The following ADGRL3 variants were observed in gnomAD, a reference collection of about 807,000 sequenced individuals.
The protein encoded by ADGRL3 is calcium-independent alpha-latrotoxin receptor 3.
In ADGRL3, 62 loss-of-function variants were observed where a neutral mutation model predicts 153.5. That is an observed-to-expected ratio of 0.40 (90% CI 0.33 to 0.50). The LOEUF is 0.50. Among genes scored for constraint, ADGRL3 ranks in the 20% least tolerant of loss-of-function variants. ADGRL3 has a pLI of 0.47. For missense variants in ADGRL3, 1,641 were observed against 1,859.4 expected (o/e 0.88, Z 2.16); for synonymous variants, 710 against 672.5 (o/e 1.06, Z -0.86).
chr4:61,623,968 A>G (rs1297256849), intron 5 of ADGRL3, among the ~76,000 whole-genome samples: 2 of 152,134 alleles, frequency 1.3e-5, no homozygotes, highest in African/African-American at 2.4e-5. Context: ...AACCAGCCTT[A>G]AAGACTCCAT....
intron 8 of ADGRL3, among the ~76,000 whole-genome samples, chr4:61,768,099 T>C (rs947729789): frequency 6.6e-6 from 1 of 152,044 alleles, no homozygotes; most frequent in Admixed American, 6.6e-5. Flanking sequence ...GATTTTTATA[T>C]TTGATGAAAA....
chr4:61,407,586 C>A (rs2097019165), intron 2 of ADGRL3, among the ~76,000 whole-genome samples: 1 of 152,076 alleles, frequency 6.6e-6, no homozygotes, highest in Non-Finnish European at 1.5e-5. Flanking sequence ...TTTAGTTTAA[C>A]TTGCATCGTT....
intron 1 of ADGRL3, among the ~76,000 whole-genome samples, chr4:61,229,859 A>C (rs1749793432): frequency 6.7e-6 from 1 of 149,870 alleles, no homozygotes; most frequent in African/African-American, 2.5e-5. Context: ...GTGAGCCGAG[A>C]TTGTGAGCTC....
chr4:61,758,196 C>G (rs1022346225), intron 8 of ADGRL3, among the ~76,000 whole-genome samples: 1 of 152,044 alleles, frequency 6.6e-6, no homozygotes, highest in Non-Finnish European at 1.5e-5. Context: ...CTGGATATCC[C>G]TGGACAATCC....
chr4:61,724,540 T>C (rs2096292976), intron 6 of ADGRL3, among the ~76,000 whole-genome samples: 1 of 152,170 alleles, frequency 6.6e-6, no homozygotes, highest in South Asian at 2.1e-4. Flanking sequence ...CATTAGGAGG[T>C]GTTAATTTTG....
intron 4 of ADGRL3, among the ~76,000 whole-genome samples, chr4:61,549,291 T>G (rs2148777526): frequency 6.6e-6 from 1 of 152,236 alleles, no homozygotes; most frequent in Middle Eastern, 3.4e-3. Context: ...CCTCTCTTCC[T>G]ATTTGGATGT....
chr4:61,782,780 A>G (rs1362645103), intron 8 of ADGRL3, among the ~76,000 whole-genome samples: 1 of 152,184 alleles, frequency 6.6e-6, no homozygotes, highest in Non-Finnish European at 1.5e-5. Flanking sequence ...TAAAGCAGTC[A>G]GACAGCTTAC....
chr4:61,314,477 G>A (rs1048994689), intron 1 of ADGRL3, among the ~76,000 whole-genome samples: 1 of 152,126 alleles, frequency 6.6e-6, no homozygotes, highest in Non-Finnish European at 1.5e-5. Context: ...CAAAGTGCTG[G>A]GATTATAGGC....
intron 1 of ADGRL3, among the ~76,000 whole-genome samples, chr4:61,267,756 T>C (rs921926287): frequency 6.6e-6 from 1 of 151,686 alleles, no homozygotes; most frequent in Non-Finnish European, 1.5e-5. Flanking sequence ...GTACATGAAC[T>C]TAATCACTGT....
At position 61,386,791 on chromosome 4, in the gene ADGRL3, A is replaced by G. The variant is rs115377232; in HGVS notation, c.-174+3602A>G. Among the ~76,000 whole-genome samples, 488 of 152,344 alleles carry G rather than the reference A, an allele frequency of 3.2e-3. 5 individuals are homozygous for G. The highest frequency in any genetic ancestry group is 0.011 in the African/African-American group (437 of 41,584). ...TAAGTATTAGAATGGATTATATAAT[A>G]TGAGAAATTCAGTCTTCATTTGGAC... On this transcript the variant is annotated intron_variant, in intron 2 of 26. Transcript: ENST00000683033.
intron 4 of ADGRL3, among the ~76,000 whole-genome samples, chr4:61,586,246 G>C (rs1043405837): frequency 6.6e-6 from 1 of 151,932 alleles, no homozygotes; most frequent in Non-Finnish European, 1.5e-5. Context: ...ACCTTAAAAT[G>C]TATTTGGATA....
At chr4:61,562,548 A>G (rs2098799498) in intron 4 of ADGRL3, among the ~76,000 whole-genome samples, 1 of 152,192 alleles carries the variant, frequency 6.6e-6, no homozygotes, top group Non-Finnish European at 1.5e-5. Flanking sequence ...CAATGCTCCC[A>G]GAATGTTCAC....
chr4:61,904,144 A>G (rs1182709509), intron 11 of ADGRL3, among the ~76,000 whole-genome samples: 1 of 147,748 alleles, frequency 6.8e-6, no homozygotes, highest in Non-Finnish European at 1.5e-5. Flanking sequence ...TTGAGTTCCC[A>G]GGCTCTTTTG....
intron 5 of ADGRL3, among the ~76,000 whole-genome samples, chr4:61,661,559 G>A (rs574364018): frequency 3.5e-4 from 53 of 151,994 alleles, no homozygotes; most frequent in African/African-American, 9.2e-4. Context: ...GTGGTTGTGC[G>A]TTATAAGAAA....
chr4:61,325,154 A>G (rs1207857300), intron 1 of ADGRL3, among the ~76,000 whole-genome samples: 2 of 152,098 alleles, frequency 1.3e-5, no homozygotes, highest in African/African-American at 2.4e-5. Flanking sequence ...TCTACTAAAA[A>G]TACAAAAATT....
At chr4:61,615,070 T>A (rs1399664688) in intron 5 of ADGRL3, among the ~76,000 whole-genome samples, 1 of 152,092 alleles carries the variant, frequency 6.6e-6, no homozygotes, top group Non-Finnish European at 1.5e-5. Context: ...GAAAGACTTT[T>A]AAAAGAACCC....
chr4:61,810,261 G>A (rs1277994193), intron 8 of ADGRL3, among the ~76,000 whole-genome samples: 2 of 152,108 alleles, frequency 1.3e-5, no homozygotes, highest in East Asian at 3.9e-4. Flanking sequence ...AGGATTATTG[G>A]CAGTTCTCTG....
chr4:61,734,366 T>C (rs1288609673), intron 8 of ADGRL3, among the ~76,000 whole-genome samples: 1 of 152,118 alleles, frequency 6.6e-6, no homozygotes, highest in Non-Finnish European at 1.5e-5. Context: ...CAAGACTGGG[T>C]AATTTATAAA....
intron 8 of ADGRL3, among the ~76,000 whole-genome samples, chr4:61,760,331 G>A (rs933056279): frequency 1.3e-5 from 2 of 152,124 alleles, no homozygotes; most frequent in Non-Finnish European, 2.9e-5. Flanking sequence ...CAGCAGCTTT[G>A]TTTACCTACT....
Sources: gnomAD v4.1 joint callset for allele counts (sites outside exome capture counted in the v4.1 genomes callset) on GRCh38, gnomAD v4.1.1 for gene constraint, MANE v1.5 for transcripts, NCBI Gene and HGNC (gene_info 2026-07-23, HGNC 2026-07-21) for gene names.